Variants in TESK2 observed in about 807,000 individuals in gnomAD.
TESK2 encodes the protein dual specificity testis-specific protein kinase 2.
A neutral mutation model predicts 57.1 loss-of-function variants in TESK2; 39 were observed. The ratio of observed to expected loss-of-function variants is 0.68; its 90% CI spans 0.53 to 0.89. The LOEUF is 0.89. Ranked by LOEUF, TESK2 falls within the 40% of genes least tolerant of loss-of-function variation. The pLI is 0.00. For missense variants in TESK2, 646 were observed against 732.1 expected, an observed-to-expected ratio of 0.88 and a Z score of 1.36; for synonymous variants, 249 against 267.9, an observed-to-expected ratio of 0.93 and a Z score of 0.69.
intron 3 of TESK2, 107 bp from the exon 4 acceptor site, chr1:45,386,067 C>T (rs931209589): frequency 2.9e-5 from 21 of 720,666 alleles, no homozygotes; most frequent in African/African-American, 3.6e-5. Context: ...CTGTGGGGTG[C>T]GGCATGATGG....
At chr1:45,404,704 G>A (rs372995835) in intron 3 of TESK2, among the ~76,000 whole-genome samples, 1 of 151,746 alleles carries the variant, frequency 6.6e-6, no homozygotes, top group African/African-American at 2.4e-5. Context: ...CCACCACGCC[G>A]GGCTATTTTT....
At chr1:45,416,560 G>A (rs1650250859) in intron 3 of TESK2, among the ~76,000 whole-genome samples, 1 of 151,736 alleles carries the variant, frequency 6.6e-6, no homozygotes, top group Non-Finnish European at 1.5e-5. Flanking sequence ...CATTTTTTGT[G>A]GTGACATATT....
intron 4 of TESK2, among the ~76,000 whole-genome samples, chr1:45,367,995 T>A (rs752590200): frequency 1.7e-4 from 22 of 133,326 alleles, no homozygotes; most frequent in Non-Finnish European, 3.4e-4. Flanking sequence ...ACCATTGAAA[T>A]TTTTTTTTTT....
rs150733462 is a variant in TESK2 at position 45,446,168 on chromosome 1, C to CTTT, written c.222+11393_222+11395dup. ...CAAAGCATAGAAGAAAAAAAACTTC[C>CTTT]TTTTTTTTTTTTTTAGACAGGGTCT... On this transcript the variant is annotated intron_variant, in intron 2 of 10. Coordinates refer to ENST00000372086, the MANE Select transcript of TESK2 (RefSeq NM_007170.3). 5.8e-4 allele frequency among the ~76,000 whole-genome samples: 84 copies of CTTT among 143,846 alleles called. No homozygotes were observed. The East Asian group carries it at 0.013, about 23-fold the overall frequency. 94.4% of individuals were successfully genotyped at this position (143,846 alleles called of 152,430 possible). A position where few individuals can be genotyped will look rare whatever the true frequency, so the allele number is the denominator to read the frequency against.
At chr1:45,456,955 T>C (rs1652133768) in intron 2 of TESK2, among the ~76,000 whole-genome samples, 1 of 152,142 alleles carries the variant, frequency 6.6e-6, no homozygotes, top group African/African-American at 2.4e-5. Flanking sequence ...AAATACTCTC[T>C]TGAGGGAGTG....
intron 3 of TESK2, among the ~76,000 whole-genome samples, chr1:45,412,326 G>A (rs567051411): frequency 1.3e-5 from 2 of 152,338 alleles, no homozygotes; most frequent in South Asian, 4.1e-4. Context: ...AGATGCAAAA[G>A]CCTTTGAATA....
At chr1:45,434,965 T>TTC (rs1293252939) in intron 2 of TESK2, among the ~76,000 whole-genome samples, 1 of 150,488 alleles carries the variant, frequency 6.6e-6, no homozygotes, top group Non-Finnish European at 1.5e-5. Flanking sequence ...CTTTCTTTTT[T>TTC]TTTTTTTTCT....
intron 1 of TESK2, among the ~76,000 whole-genome samples, chr1:45,474,131 C>T (rs1351602788): frequency 6.6e-6 from 1 of 152,160 alleles, no homozygotes; most frequent in Non-Finnish European, 1.5e-5. Flanking sequence ...CTCAGGAGTT[C>T]GAGACCAGCC....
At chr1:45,351,042 C>T (rs988834341) in intron 5 of TESK2, among the ~76,000 whole-genome samples, 2 of 152,174 alleles carry the variant, frequency 1.3e-5, no homozygotes, top group Non-Finnish European at 2.9e-5. Context: ...GGCTTCTATG[C>T]AGTCAACAAT....
At chr1:45,390,351 C>A (rs1557554015) in intron 3 of TESK2, among the ~76,000 whole-genome samples, 1 of 152,068 alleles carries the variant, frequency 6.6e-6, no homozygotes, top group Non-Finnish European at 1.5e-5. Context: ...GTGGTCCCAG[C>A]TACTCAGTAG....
intron 1 of TESK2, among the ~76,000 whole-genome samples, chr1:45,463,787 C>A (rs1403292867): frequency 1.3e-5 from 2 of 152,006 alleles, no homozygotes; most frequent in African/African-American, 4.8e-5. Context: ...CAAGGTTTTG[C>A]CAAGTTGCCC....
intron 4 of TESK2, among the ~76,000 whole-genome samples, chr1:45,382,923 CTAAG>C (rs1198764629): frequency 1.3e-5 from 2 of 152,072 alleles, no homozygotes; most frequent in Non-Finnish European, 2.9e-5. Context: ...AAAATAAAAA[CTAAG>C]TGTCTGACTG....
intron 1 of TESK2, among the ~76,000 whole-genome samples, chr1:45,489,529 C>T (rs1183272863): frequency 6.6e-6 from 1 of 152,224 alleles, no homozygotes; most frequent in African/African-American, 2.4e-5. Flanking sequence ...GTGGCTCACG[C>T]CTGTAATCCC....
chr1:45,486,672 A>T (rs1653487964), intron 1 of TESK2, among the ~76,000 whole-genome samples: 1 of 149,406 alleles, frequency 6.7e-6, no homozygotes, highest in Admixed American at 6.7e-5. Context: ...AAGACCCCAT[A>T]AAAAAAAATT....
intron 1 of TESK2, among the ~76,000 whole-genome samples, chr1:45,463,882 C>G (rs967231628): frequency 1.2e-4 from 18 of 152,146 alleles, no homozygotes; most frequent in Admixed American, 2.0e-4. Flanking sequence ...AGCCACCATG[C>G]CCAGCCTATG....
chr1:45,357,002 T>G (rs1358634846), intron 4 of TESK2, among the ~76,000 whole-genome samples: 1 of 152,122 alleles, frequency 6.6e-6, no homozygotes, highest in East Asian at 1.9e-4. Flanking sequence ...AAGACCAGCC[T>G]GGCCAAGATG....
intron 4 of TESK2, among the ~76,000 whole-genome samples, chr1:45,363,874 G>A (rs1441719925): frequency 6.6e-6 from 1 of 152,120 alleles, no homozygotes; most frequent in East Asian, 1.9e-4. Flanking sequence ...TGGTTACTCA[G>A]TTTGTTTAAT....
In TESK2 at chr1:45,344,843, C is replaced by G. The variant is rs780815123; in HGVS notation, c.1713G>C (p.Gly571=). 45 of 1,611,616 alleles carry G rather than the reference C, an allele frequency of 2.8e-5. 1 individual carries two copies. In the South Asian group the frequency reaches 2.9e-4, roughly 10 times the overall value. Reference sequence around the variant, plus strand: ...GTGAGGCAGGGACTAAACCCCCTCACCCATCCTGCTTTCCCTGGGTTTGCA... The same window carrying G: ...GTGAGGCAGGGACTAAACCCCCTCAGCCATCCTGCTTTCCCTGGGTTTGCA... ...IGLQTQGKQD[G] is the part of the protein sequence containing the mutation. The change falls in exon 11 of 11, where the codon GGG becomes GGC. Residue 571 remains glycine (G), a synonymous_variant. Coordinates refer to ENST00000372086, the MANE Select transcript of TESK2 (RefSeq NM_007170.3).
chr1:45,385,710 G>GTATATA (rs754585734), intron 4 of TESK2, among the ~76,000 whole-genome samples: 2,058 of 135,218 alleles, frequency 0.015, 33 homozygotes, highest in South Asian at 0.022. Flanking sequence ...GTGTGTGTGT[G>GTATATA]TATATATATA....
Sources: gnomAD v4.1 joint callset for allele counts (sites outside exome capture counted in the v4.1 genomes callset) on GRCh38, gnomAD v4.1.1 for gene constraint, MANE v1.5 for transcripts, NCBI Gene and HGNC (gene_info 2026-07-23, HGNC 2026-07-21) for gene names.